RAB3B: variants seen among roughly 807,000 people sequenced by gnomAD.
The protein encoded by RAB3B is ras-related protein Rab-3B.
In RAB3B, 11 loss-of-function variants were observed where a neutral mutation model predicts 20.5. The ratio of observed to expected loss-of-function variants is 0.54; its 90% CI spans 0.34 to 0.89. RAB3B has a LOEUF of 0.89. RAB3B is among the 40% of genes least tolerant of loss of function. The probability of loss-of-function intolerance (pLI) is 0.02; values close to 1 mark genes in which losing one functional copy is unlikely to be tolerated. For missense variants in RAB3B, 225 were observed against 280.9 expected (o/e 0.80, Z 1.42); for synonymous variants, 99 against 106.3 (o/e 0.93, Z 0.42).
intron 1 of RAB3B, among the ~76,000 whole-genome samples, chr1:51,988,731 TG>T (rs1685180682): frequency 6.6e-6 from 1 of 152,174 alleles, no homozygotes; most frequent in African/African-American, 2.4e-5. Context: ...TTTAGGGAGA[TG>T]GAGAGAAACC....
At chr1:51,971,010 C>CA (rs3074914) in intron 2 of RAB3B, among the ~76,000 whole-genome samples, 1,101 of 54,390 alleles carry the variant, frequency 0.02, 8 homozygotes, top group Non-Finnish European at 0.03. Context: ...GACTCCGTCT[C>CA]AAAAAAAAAA....
Position 51,985,385 on chromosome 1 carries a change from G to A in RAB3B, c.-1+5167C>T, listed in dbSNP as rs367675631. Among the ~76,000 whole-genome samples the A allele has an allele frequency of 3.3e-5, 5 of 152,302 alleles. No individual in the cohort carries two copies. In the East Asian group the frequency reaches 7.7e-4, roughly 23 times the overall value. On this transcript the variant is annotated intron_variant, in intron 1 of 4. Coordinates refer to ENST00000371655, the MANE Select transcript of RAB3B (RefSeq NM_002867.4). ...CCTTAGAGGGTGTTATGTCTTTCAA[G>A]AAACACATATAGAGCATTTTTCAAG...
intron 4 of RAB3B, among the ~76,000 whole-genome samples, chr1:51,922,888 G>A (rs1434228344): frequency 6.6e-6 from 1 of 151,922 alleles, no homozygotes; most frequent in African/African-American, 2.4e-5. Flanking sequence ...GTAGAGACAG[G>A]GTTTCACCAT....
At chr1:51,984,587 A>C (rs1187656176) in intron 1 of RAB3B, among the ~76,000 whole-genome samples, 1 of 151,858 alleles carries the variant, frequency 6.6e-6, no homozygotes, top group Non-Finnish European at 1.5e-5. Flanking sequence ...ATGGGGTTTC[A>C]CCATGTTGGC....
At chr1:51,966,311 C>T (rs1235665578) in intron 2 of RAB3B, among the ~76,000 whole-genome samples, 1 of 152,242 alleles carries the variant, frequency 6.6e-6, no homozygotes, top group Non-Finnish European at 1.5e-5. Flanking sequence ...TCTTACAACA[C>T]TTTCTTCATC....
chr1:51,974,098 C>G (rs900147951), intron 2 of RAB3B, among the ~76,000 whole-genome samples: 1 of 152,188 alleles, frequency 6.6e-6, no homozygotes, highest in Non-Finnish European at 1.5e-5. Context: ...GCCTCTCCAG[C>G]AAATTTCTCT....
At chr1:51,956,372 G>C (rs183444425) in intron 2 of RAB3B, among the ~76,000 whole-genome samples, 86 of 152,266 alleles carry the variant, frequency 5.6e-4, no homozygotes, top group African/African-American at 1.9e-3. Context: ...CAGCTCTTTG[G>C]AGTAAGACAA....
chr1:51,976,852 T>C, intron 2 of RAB3B, 38 bp downstream of exon 2: 1 of 1,585,136 alleles, frequency 6.3e-7, no homozygotes, highest in Non-Finnish European at 8.7e-7. Context: ...GGCCAGCCGC[T>C]TCTCAGGAAA....
Position 51,919,824 on chromosome 1 carries a change from G to A in RAB3B, c.*103C>T. 1 of 1,193,438 alleles carries A rather than the reference G, an allele frequency of 8.4e-7. No homozygotes were observed. Among genetic ancestry groups the A allele is most frequent in the Non-Finnish European group, 1.2e-6 (1 of 857,436 alleles). The allele number at this position is 1,193,438 out of a possible 1,614,324, so 73.9% of individuals were successfully genotyped here. Reference sequence around the variant, plus strand: ...ACTCATCTTGCTCTGAGTGTGGGCAGTGTGTAACAGGGAGAGTGGGCTGAG... The same window carrying A: ...ACTCATCTTGCTCTGAGTGTGGGCAATGTGTAACAGGGAGAGTGGGCTGAG... On this transcript the variant is annotated 3_prime_UTR_variant, in exon 5 of 5. Coordinates refer to ENST00000371655, the MANE Select transcript of RAB3B (RefSeq NM_002867.4).
chr1:51,974,812 T>C (rs1684985254), intron 2 of RAB3B, among the ~76,000 whole-genome samples: 1 of 152,214 alleles, frequency 6.6e-6, no homozygotes, highest in African/African-American at 2.4e-5. Context: ...AGATAGTATA[T>C]GGGAAATAAT....
chr1:51,947,280 C>T (rs1453153652), intron 2 of RAB3B, among the ~76,000 whole-genome samples: 2 of 152,006 alleles, frequency 1.3e-5, no homozygotes, highest in Non-Finnish European at 2.9e-5. Context: ...CCTGTAGTCC[C>T]AGCTAGTTGG....
chr1:51,973,270 A>C (rs1684961399), intron 2 of RAB3B: 1 of 152,206 alleles, frequency 6.6e-6, no homozygotes, highest in Non-Finnish European at 1.5e-5. Flanking sequence ...AATTAAAATA[A>C]ACAATATTTA....
At chr1:51,936,771 C>T (rs1402134850) in intron 3 of RAB3B, among the ~76,000 whole-genome samples, 1 of 152,046 alleles carries the variant, frequency 6.6e-6, no homozygotes, top group Non-Finnish European at 1.5e-5. Context: ...AGCCCTGATG[C>T]CTCGCTTCAT....
At chr1:51,981,030 T>C (rs1337506612) in intron 1 of RAB3B, among the ~76,000 whole-genome samples, 4 of 152,134 alleles carry the variant, frequency 2.6e-5, no homozygotes, top group African/African-American at 9.7e-5. Context: ...ATTATTTTTA[T>C]TTTATTTTAT....
intron 1 of RAB3B, among the ~76,000 whole-genome samples, chr1:51,978,690 A>G (rs1339515086): frequency 6.6e-6 from 1 of 152,178 alleles, no homozygotes; most frequent in Non-Finnish European, 1.5e-5. Flanking sequence ...TCTCAGCACA[A>G]GGGTACCCAG....
chr1:51,989,098 C>T (rs1460780978), intron 1 of RAB3B, among the ~76,000 whole-genome samples: 4 of 101,368 alleles, frequency 3.9e-5, no homozygotes, highest in South Asian at 4.3e-4. Context: ...CCCACCTGTG[C>T]GCGCGCACAC....
intron 2 of RAB3B, among the ~76,000 whole-genome samples, chr1:51,947,266 T>C (rs1378479025): frequency 6.6e-6 from 1 of 152,026 alleles, no homozygotes; most frequent in African/African-American, 2.4e-5. Flanking sequence ...CATGGTGGCA[T>C]GCTCCTGTAG....
intron 1 of RAB3B, among the ~76,000 whole-genome samples, chr1:51,985,555 G>C (rs1685140544): frequency 1.3e-5 from 2 of 152,174 alleles, no homozygotes; most frequent in South Asian, 4.1e-4. Flanking sequence ...ACTGGGCCCA[G>C]CTTTCCCAGT....
At chr1:51,937,175 T>C in intron 3 of RAB3B, 119 bp downstream of exon 3, 2 of 730,172 alleles carry the variant, frequency 2.7e-6, no homozygotes, top group Non-Finnish European at 4.5e-6. Flanking sequence ...TGTAAACTCC[T>C]GAGGCCAGTA....
Sources: allele counts gnomAD v4.1 joint callset (sites outside exome capture counted in the v4.1 genomes callset), GRCh38; gene constraint gnomAD v4.1.1; transcripts MANE v1.5; gene names NCBI Gene and HGNC (gene_info 2026-07-23, HGNC 2026-07-21).